The following ADGRL3 variants were observed in gnomAD, a reference collection of about 807,000 sequenced individuals.
ADGRL3 encodes adhesion G protein-coupled receptor L3, also known as calcium-independent alpha-latrotoxin receptor 3.
In ADGRL3, 62 loss-of-function variants were observed where a neutral mutation model predicts 153.5. That is an observed-to-expected ratio of 0.40 (90% CI 0.33 to 0.50). ADGRL3 has a LOEUF of 0.50. ADGRL3 is among the 20% of genes least tolerant of loss of function. ADGRL3 has a pLI of 0.47. For missense variants in ADGRL3, 1,641 were observed against 1,859.4 expected, an observed-to-expected ratio of 0.88 and a Z score of 2.16; for synonymous variants, 710 against 672.5, an observed-to-expected ratio of 1.06 and a Z score of -0.86.
At chr4:61,342,936 G>T (rs2095835804) in intron 1 of ADGRL3, among the ~76,000 whole-genome samples, 1 of 152,120 alleles carries the variant, frequency 6.6e-6, no homozygotes, top group African/African-American at 2.4e-5. Flanking sequence ...ATGGCTAGGA[G>T]ACCTCACAAT....
chr4:61,548,516 G>T (rs2098724941), intron 4 of ADGRL3, among the ~76,000 whole-genome samples: 1 of 152,006 alleles, frequency 6.6e-6, no homozygotes, highest in Non-Finnish European at 1.5e-5. Flanking sequence ...AGTTATCCCA[G>T]CACCATTTAT....
At chr4:61,775,808 TAACGTCC>T (rs558770832) in intron 8 of ADGRL3, 70 of 713,064 alleles carry the variant, frequency 9.8e-5, no homozygotes, top group Non-Finnish European at 1.7e-4. Context: ...AAAGCAGTAT[TAACGTCC>T]ATTACGCTTC....
At chr4:61,695,386 T>A (rs1173080158) in intron 6 of ADGRL3, among the ~76,000 whole-genome samples, 3 of 152,192 alleles carry the variant, frequency 2.0e-5, no homozygotes, top group Non-Finnish European at 2.9e-5. Context: ...TTAAGGTGAC[T>A]AGGTGTATTG....
intron 13 of ADGRL3, among the ~76,000 whole-genome samples, chr4:61,915,851 T>C (rs560254813): frequency 3.3e-5 from 5 of 152,320 alleles, no homozygotes; most frequent in East Asian, 3.9e-4. Context: ...GTGTGAAATA[T>C]GCTTGAAGTG....
At chr4:61,902,349 G>C (rs1446897922) in intron 11 of ADGRL3, among the ~76,000 whole-genome samples, 1 of 151,936 alleles carries the variant, frequency 6.6e-6, no homozygotes, top group African/African-American at 2.4e-5. Context: ...TTCCTCTCAG[G>C]CCAGGCCACT....
At chr4:61,629,627 G>T (rs557687441) in intron 5 of ADGRL3, among the ~76,000 whole-genome samples, 1 of 147,500 alleles carries the variant, frequency 6.8e-6, no homozygotes, top group African/African-American at 2.5e-5. Context: ...TGAGGCAGGA[G>T]AATTGCTTAA....
chr4:61,608,291 A>C (rs751687191), intron 5 of ADGRL3, among the ~76,000 whole-genome samples: 55 of 152,208 alleles, frequency 3.6e-4, no homozygotes, highest in Non-Finnish European at 5.6e-4. Context: ...AACATCTAAC[A>C]ATGCTGTTAG....
chr4:62,066,307 G>C (rs1271397276), intron 25 of ADGRL3, among the ~76,000 whole-genome samples: 1 of 152,036 alleles, frequency 6.6e-6, no homozygotes, highest in Non-Finnish European at 1.5e-5. Context: ...GTTCTCTTCT[G>C]TGGGTCCTCT....
intron 8 of ADGRL3, among the ~76,000 whole-genome samples, chr4:61,748,348 G>GA (rs1331244102): frequency 2.6e-5 from 4 of 151,972 alleles, no homozygotes; most frequent in Non-Finnish European, 4.4e-5. Context: ...CACAGAACTG[G>GA]AAAAAAACTA....
intron 2 of ADGRL3, among the ~76,000 whole-genome samples, chr4:61,471,951 T>C (rs1041765184): frequency 6.6e-6 from 1 of 152,092 alleles, no homozygotes; most frequent in African/African-American, 2.4e-5. Flanking sequence ...AATACAATTA[T>C]TGTATTATGC....
At position 61,683,803 on chromosome 4, in the gene ADGRL3, G is replaced by C. The variant is rs2095391308; in HGVS notation, c.583+6868G>C. 2.0e-5 allele frequency among the ~76,000 whole-genome samples: 3 copies of C among 152,082 alleles called. No individual in the cohort carries two copies. In the South Asian group the frequency reaches 6.2e-4, roughly 31 times the overall value. On this transcript the variant is annotated intron_variant, in intron 6 of 26. Transcript: ENST00000683033. ...CTGGGGACCCACCCCTATCTGCCTAGGCATTTGCCTGCCTCCTGCTGCTCT... is the reference window on the plus strand; with the variant it reads ...CTGGGGACCCACCCCTATCTGCCTACGCATTTGCCTGCCTCCTGCTGCTCT...
chr4:61,487,036 G>A (rs965899579), intron 2 of ADGRL3, among the ~76,000 whole-genome samples: 2 of 152,146 alleles, frequency 1.3e-5, no homozygotes, highest in East Asian at 3.9e-4. Flanking sequence ...TAATATTTTA[G>A]TGTATAGCTA....
chr4:61,647,029 A>G (rs868077683), intron 5 of ADGRL3, among the ~76,000 whole-genome samples: 46 of 152,128 alleles, frequency 3.0e-4, no homozygotes, highest in African/African-American at 1.0e-3. Flanking sequence ...GGTGGGAGTC[A>G]CTCGATTTTC....
At chr4:62,014,906 A>G (rs1396363677) in intron 21 of ADGRL3, among the ~76,000 whole-genome samples, 1 of 152,140 alleles carries the variant, frequency 6.6e-6, no homozygotes, top group African/African-American at 2.4e-5. Context: ...CAAAACAACA[A>G]TAAGGTAACA....
chr4:61,856,369 CCTTCCTTCCTT>C (rs2098263828), intron 9 of ADGRL3, among the ~76,000 whole-genome samples: 1 of 146,384 alleles, frequency 6.8e-6, no homozygotes, highest in Non-Finnish European at 1.5e-5. Flanking sequence ...TTCTTCCCTT[CCTTCCTTCCTT>C]CTTCCTTCCT....
At chr4:61,721,815 A>G (rs910384988) in intron 6 of ADGRL3, among the ~76,000 whole-genome samples, 1 of 152,196 alleles carries the variant, frequency 6.6e-6, no homozygotes, top group African/African-American at 2.4e-5. Flanking sequence ...GACAAAAATA[A>G]AAGGTAAATC....
chr4:61,710,448 G>A (rs2095950207), intron 6 of ADGRL3, among the ~76,000 whole-genome samples: 4 of 152,204 alleles, frequency 2.6e-5, no homozygotes, highest in Admixed American at 2.6e-4. Context: ...GATTCCATGT[G>A]CCTGCCAACC....
chr4:61,356,926 A>T (rs866350946), intron 1 of ADGRL3, among the ~76,000 whole-genome samples: 9 of 151,878 alleles, frequency 5.9e-5, no homozygotes, highest in African/African-American at 2.2e-4. Flanking sequence ...TTCTCAATGT[A>T]CTCATTGGTG....
intron 25 of ADGRL3, among the ~76,000 whole-genome samples, chr4:62,046,334 G>A (rs1218677002): frequency 6.6e-6 from 1 of 151,924 alleles, no homozygotes; most frequent in Non-Finnish European, 1.5e-5. Context: ...ATAGTAAGGT[G>A]TGTCAGTTCA....
Sources: gnomAD v4.1 joint callset for allele counts (sites outside exome capture counted in the v4.1 genomes callset) on GRCh38, gnomAD v4.1.1 for gene constraint, MANE v1.5 for transcripts, NCBI Gene and HGNC (gene_info 2026-07-23, HGNC 2026-07-21) for gene names.